Variants in F13A1 observed in about 807,000 individuals in gnomAD.
F13A1 encodes the protein coagulation factor XIII A chain, also known as FSF, A subunit.
A neutral mutation model predicts 80.1 loss-of-function variants in F13A1; 47 were observed. The observed-to-expected ratio is 0.59, with a 90% CI of 0.46 to 0.75. The LOEUF (loss-of-function observed/expected upper bound fraction) is 0.75, where lower values mean the gene tolerates loss of function less well. Among genes scored for constraint, F13A1 ranks in the 30% least tolerant of loss-of-function variants. The pLI is 0.00. For missense variants in F13A1, 817 were observed against 930.4 expected, an observed-to-expected ratio of 0.88 and a Z score of 1.59; for synonymous variants, 349 against 344.9, an observed-to-expected ratio of 1.01 and a Z score of -0.13.
chr6:6,263,127 C>T (rs898761229), intron 4 of F13A1, among the ~76,000 whole-genome samples: 27 of 152,332 alleles, frequency 1.8e-4, no homozygotes, highest in African/African-American at 6.5e-4. Context: ...ATAACACCCA[C>T]TCTCTCTTGT....
At chr6:6,276,048 G>C (rs1757983925) in intron 3 of F13A1, among the ~76,000 whole-genome samples, 1 of 152,198 alleles carries the variant, frequency 6.6e-6, no homozygotes, top group Non-Finnish European at 1.5e-5. Context: ...AAAGAATCTG[G>C]ACTTGTGTTT....
At chr6:6,180,097 A>G (rs1042079341) in intron 11 of F13A1, among the ~76,000 whole-genome samples, 7 of 152,176 alleles carry the variant, frequency 4.6e-5, no homozygotes, top group Non-Finnish European at 1.0e-4. Flanking sequence ...CTGTAGGTGC[A>G]ACTTTTCTTC....
chr6:6,289,704 A>G (rs2113155084), intron 3 of F13A1, among the ~76,000 whole-genome samples: 1 of 152,308 alleles, frequency 6.6e-6, no homozygotes, highest in African/African-American at 2.4e-5. Context: ...TCTACCTAAA[A>G]TGCTACTACA....
intron 3 of F13A1, among the ~76,000 whole-genome samples, chr6:6,291,750 A>G (rs895624820): frequency 1.3e-5 from 2 of 152,034 alleles, no homozygotes; most frequent in African/African-American, 4.8e-5. Flanking sequence ...GATGCCTTAG[A>G]AGTTGTTTTC....
chr6:6,251,839 C>T (rs1757637234), intron 4 of F13A1, among the ~76,000 whole-genome samples: 1 of 152,156 alleles, frequency 6.6e-6, no homozygotes, highest in Non-Finnish European at 1.5e-5. Flanking sequence ...AAGAGAACTT[C>T]GTAACGGGTG....
intron 2 of F13A1, 84 bp downstream of exon 2, chr6:6,318,449 CAG>C (rs1002986041): frequency 6.7e-7 from 1 of 1,482,402 alleles, no homozygotes; most frequent in Admixed American, 2.2e-5. Context: ...CCAGTGGAGA[CAG>C]AGGATGTTTA....
chr6:6,196,687 T>C (rs533442383), intron 9 of F13A1, among the ~76,000 whole-genome samples: 3 of 152,356 alleles, frequency 2.0e-5, no homozygotes, highest in African/African-American at 7.2e-5. Context: ...GATGTGATTT[T>C]ATAAAAATCT....
At chr6:6,188,114 T>A (rs1366310051) in intron 10 of F13A1, among the ~76,000 whole-genome samples, 1 of 152,184 alleles carries the variant, frequency 6.6e-6, no homozygotes, top group Non-Finnish European at 1.5e-5. Context: ...TCTTCTCTCT[T>A]TTTTTCTTTA....
chr6:6,264,474 C>G (rs1313225428), intron 4 of F13A1, among the ~76,000 whole-genome samples: 1 of 152,196 alleles, frequency 6.6e-6, no homozygotes, highest in Admixed American at 6.5e-5. Context: ...TCTTCCATCT[C>G]ATTCTCTTTT....
intron 2 of F13A1, among the ~76,000 whole-genome samples, chr6:6,307,550 AGTTTTTTTTTT>A (rs1561686555): frequency 5.9e-5 from 9 of 151,916 alleles, no homozygotes; most frequent in African/African-American, 2.2e-4. Context: ...GGGGCTTTAA[AGTTTTTTTTTT>A]AAAAATAGCT....
At chr6:6,231,031 A>C (rs1431978730) in intron 6 of F13A1, among the ~76,000 whole-genome samples, 3 of 152,170 alleles carry the variant, frequency 2.0e-5, no homozygotes, top group East Asian at 3.8e-4. Flanking sequence ...AACACCCCCC[A>C]AAAATCACAC....
At chr6:6,265,252 A>G (rs1460340207) in intron 4 of F13A1, among the ~76,000 whole-genome samples, 1 of 152,224 alleles carries the variant, frequency 6.6e-6, no homozygotes, top group Non-Finnish European at 1.5e-5. Flanking sequence ...GGATCATTCA[A>G]AATCAGCAAT....
At chr6:6,233,703 A>T (rs1350577918) in intron 6 of F13A1, among the ~76,000 whole-genome samples, 1 of 152,184 alleles carries the variant, frequency 6.6e-6, no homozygotes, top group Non-Finnish European at 1.5e-5. Flanking sequence ...TCTTTCACAA[A>T]ATACTAGCTA....
At chr6:6,204,084 A>G (rs549425942) in intron 8 of F13A1, among the ~76,000 whole-genome samples, 21 of 152,300 alleles carry the variant, frequency 1.4e-4, no homozygotes, top group African/African-American at 5.1e-4. Flanking sequence ...CAGAGAACAC[A>G]GCTGAGACCA....
At chr6:6,174,486 T>C (rs2151074962) in intron 12 of F13A1, 94 bp downstream of exon 12, 1 of 1,408,508 alleles carries the variant, frequency 7.1e-7, no homozygotes, top group Non-Finnish European at 1.0e-6. Context: ...GAGGGAACTT[T>C]AACTTTGATA....
chr6:6,197,678 A>C (rs1330225897), intron 8 of F13A1, among the ~76,000 whole-genome samples: 2 of 75,702 alleles, frequency 2.6e-5, no homozygotes, highest in Non-Finnish European at 5.1e-5. Context: ...CTCCATCTCA[A>C]AAAAAAAAAA....
At chr6:6,218,342 G>A (rs1241048969) in intron 8 of F13A1, among the ~76,000 whole-genome samples, 1 of 152,134 alleles carries the variant, frequency 6.6e-6, no homozygotes, top group African/African-American at 2.4e-5. Flanking sequence ...CCTCCTCACT[G>A]AGCCCTCGTA....
chr6:6,297,670 C>T (rs1230606812), intron 3 of F13A1, among the ~76,000 whole-genome samples: 39 of 145,852 alleles, frequency 2.7e-4, no homozygotes, highest in African/African-American at 7.7e-4. Flanking sequence ...AGCGGTCTAT[C>T]AATTTTGTTG....
chr6:6,178,044 A>AAG (rs1760913548), intron 11 of F13A1, among the ~76,000 whole-genome samples: 1 of 96,036 alleles, frequency 1.0e-5, no homozygotes, highest in South Asian at 4.2e-4. Flanking sequence ...CCACAGGGAG[A>AAG]GGGGGGGGGG....
Sources: gnomAD v4.1 joint callset for allele counts (sites outside exome capture counted in the v4.1 genomes callset) on GRCh38, gnomAD v4.1.1 for gene constraint, MANE v1.5 for transcripts, NCBI Gene and HGNC (gene_info 2026-07-23, HGNC 2026-07-21) for gene names.